The following CSMD1 variants were observed in gnomAD, a reference collection of about 807,000 sequenced individuals.
CSMD1 encodes CUB and sushi domain-containing protein 1.
A neutral mutation model predicts 417.5 loss-of-function variants in CSMD1; 213 were observed. That is an observed-to-expected ratio of 0.51 (90% confidence interval 0.46 to 0.57). The LOEUF is 0.57. CSMD1 is among the 20% of genes least tolerant of loss of function. CSMD1 has a pLI of 0.00. For synonymous variants in CSMD1, 2,862 were observed against 1,736.8 expected, an observed-to-expected ratio of 1.65 and a Z score of -16.11; for missense variants, 6,923 against 4,529.7, an observed-to-expected ratio of 1.53 and a Z score of -15.17.
At chr8:3,381,901 C>CT (rs939207388) in intron 18 of CSMD1, among the ~76,000 whole-genome samples, 6 of 152,136 alleles carry the variant, frequency 3.9e-5, no homozygotes, top group African/African-American at 1.4e-4. Context: ...TTACATATAT[C>CT]TATACAGTAT....
At chr8:4,120,074 T>A (rs1174537810) in intron 3 of CSMD1, among the ~76,000 whole-genome samples, 3 of 152,194 alleles carry the variant, frequency 2.0e-5, no homozygotes, top group Non-Finnish European at 4.4e-5. Flanking sequence ...TTATTTGTAA[T>A]ACAAAGGATA....
chr8:4,198,029 G>C (rs759688267), intron 3 of CSMD1, among the ~76,000 whole-genome samples: 2 of 152,220 alleles, frequency 1.3e-5, no homozygotes, highest in African/African-American at 2.4e-5. Context: ...GGCACAGACT[G>C]CAGCAATGAA....
intron 18 of CSMD1, chr8:3,373,694 G>A (rs1810120491): frequency 6.6e-6 from 1 of 152,132 alleles, no homozygotes; most frequent in South Asian, 2.1e-4. Context: ...ATGTTAATCT[G>A]TTTCTTCATG....
chr8:4,971,931 C>T (rs537119126), intron 1 of CSMD1, among the ~76,000 whole-genome samples: 103 of 152,036 alleles, frequency 6.8e-4, no homozygotes, highest in African/African-American at 2.5e-3. Flanking sequence ...AAAATAAACT[C>T]ATTGGGAGCA....
intron 5 of CSMD1, among the ~76,000 whole-genome samples, chr8:3,951,412 A>C (rs1487632659): frequency 6.6e-6 from 1 of 152,232 alleles, no homozygotes; most frequent in East Asian, 1.9e-4. Context: ...TTGGGGCAGA[A>C]TGTAACTTAA....
chr8:4,158,357 C>T (rs193235443), intron 3 of CSMD1, among the ~76,000 whole-genome samples: 17 of 151,868 alleles, frequency 1.1e-4, no homozygotes, highest in African/African-American at 2.9e-4. Context: ...AAAGAAAACC[C>T]GAAAGAAATA....
At chr8:4,341,265 T>A (rs1404677925) in intron 3 of CSMD1, among the ~76,000 whole-genome samples, 1 of 152,120 alleles carries the variant, frequency 6.6e-6, no homozygotes, top group South Asian at 2.1e-4. Flanking sequence ...AGAAGGCAGT[T>A]GTATGTCATA....
intron 3 of CSMD1, among the ~76,000 whole-genome samples, chr8:4,231,552 A>G (rs914822579): frequency 1.3e-5 from 2 of 152,150 alleles, no homozygotes; most frequent in African/African-American, 4.8e-5. Context: ...AGGCTAAGCA[A>G]TGACAACAGT....
At chr8:3,762,822 G>C (rs1798085456) in intron 5 of CSMD1, among the ~76,000 whole-genome samples, 1 of 152,196 alleles carries the variant, frequency 6.6e-6, no homozygotes, top group Admixed American at 6.5e-5. Flanking sequence ...ACGCAGCCGT[G>C]TGTAAGGCAG....
At chr8:4,772,604 T>G (rs1796658073) in intron 1 of CSMD1, among the ~76,000 whole-genome samples, 1 of 152,196 alleles carries the variant, frequency 6.6e-6, no homozygotes, top group Admixed American at 6.5e-5. Flanking sequence ...AATTAAAATT[T>G]TTTCTTAGTA....
chr8:3,654,528 A>T (rs1798008992), intron 7 of CSMD1, among the ~76,000 whole-genome samples: 1 of 152,196 alleles, frequency 6.6e-6, no homozygotes, highest in South Asian at 2.1e-4. Context: ...AGGAGAACTT[A>T]CAAATAAGAA....
chr8:3,908,103 G>A (rs1014060893), intron 5 of CSMD1, among the ~76,000 whole-genome samples: 2 of 152,132 alleles, frequency 1.3e-5, no homozygotes, highest in African/African-American at 4.8e-5. Context: ...TGTCTGTTGA[G>A]GCTTTATGGA....
At chr8:4,071,454 G>A (rs1015723316) in intron 3 of CSMD1, among the ~76,000 whole-genome samples, 5 of 151,726 alleles carry the variant, frequency 3.3e-5, no homozygotes, top group South Asian at 2.1e-4. Context: ...ATTTTATAAC[G>A]CCTATTTTTT....
At chr8:3,638,072 A>T (rs1285963881) in intron 7 of CSMD1, among the ~76,000 whole-genome samples, 1 of 152,110 alleles carries the variant, frequency 6.6e-6, no homozygotes, top group Non-Finnish European at 1.5e-5. Flanking sequence ...TGGCTTTTCT[A>T]ACCACACACA....
intron 49 of CSMD1, among the ~76,000 whole-genome samples, chr8:3,085,260 T>A (rs1289953585): frequency 1.1e-4 from 16 of 152,088 alleles, no homozygotes; most frequent in Non-Finnish European, 1.3e-4. Context: ...CCCTCCAAGT[T>A]TAAAGGTCAA....
chr8:4,151,387 T>G (rs1425610182), intron 3 of CSMD1, among the ~76,000 whole-genome samples: 1 of 152,208 alleles, frequency 6.6e-6, no homozygotes, highest in Non-Finnish European at 1.5e-5. Context: ...TAGATCCTGC[T>G]GACCAAGAAA....
At chr8:4,948,737 A>G (rs547668127) in intron 1 of CSMD1, among the ~76,000 whole-genome samples, 3 of 152,238 alleles carry the variant, frequency 2.0e-5, no homozygotes, top group Non-Finnish European at 4.4e-5. Context: ...GTACCATTTA[A>G]GAAAAGTGAT....
intron 23 of CSMD1, among the ~76,000 whole-genome samples, chr8:3,309,692 C>T (rs991276716): frequency 3.9e-5 from 6 of 152,108 alleles, no homozygotes; most frequent in East Asian, 1.9e-4. Flanking sequence ...ACTTTGAATG[C>T]TTTCTTTTCT....
At chr8:4,550,028 G>T (rs1797801346) in intron 2 of CSMD1, among the ~76,000 whole-genome samples, 1 of 151,490 alleles carries the variant, frequency 6.6e-6, no homozygotes, top group Admixed American at 6.6e-5. Context: ...GAGGAGAAAA[G>T]TGGCTGCAGC....
Sources: allele counts gnomAD v4.1 joint callset (sites outside exome capture counted in the v4.1 genomes callset), GRCh38; gene constraint gnomAD v4.1.1; transcripts MANE v1.5; gene names NCBI Gene and HGNC (gene_info 2026-07-23, HGNC 2026-07-21).